PRUNE2: variants seen among roughly 807,000 people sequenced by gnomAD.
The protein encoded by PRUNE2 is prune homolog 2 with BCH domain, also known as protein prune homolog 2.
PRUNE2 carries 164 observed loss-of-function variants against 252.0 expected under a neutral mutation model. The ratio of observed to expected loss-of-function variants is 0.65; its 90% CI spans 0.57 to 0.74. The LOEUF (loss-of-function observed/expected upper bound fraction) is 0.74, where lower values mean the gene tolerates loss of function less well. PRUNE2 is among the 30% of genes least tolerant of loss of function. The pLI is 0.00. For missense variants in PRUNE2, 3,495 were observed against 3,711.0 expected (o/e 0.94, Z 1.51); for synonymous variants, 1,292 against 1,350.2 (o/e 0.96, Z 0.94).
intron 9 of PRUNE2, among the ~76,000 whole-genome samples, chr9:76,676,077 C>CAAA (rs1554684811): frequency 5.5e-4 from 81 of 148,092 alleles, no homozygotes; most frequent in Non-Finnish European, 8.3e-4. Context: ...AAAAAAAAAC[C>CAAA]AAAAACAAAA....
chr9:76,830,489 T>C (rs894882618), intron 4 of PRUNE2, among the ~76,000 whole-genome samples: 1 of 151,714 alleles, frequency 6.6e-6, no homozygotes, highest in African/African-American at 2.4e-5. Context: ...CCATCTCTAC[T>C]AAAAATATAA....
chr9:76,629,524 T>G (rs906010195), intron 15 of PRUNE2, among the ~76,000 whole-genome samples: 1 of 152,228 alleles, frequency 6.6e-6, no homozygotes, highest in African/African-American at 2.4e-5. Flanking sequence ...TAAAAAAGTA[T>G]AACATGATGT....
intron 6 of PRUNE2, among the ~76,000 whole-genome samples, chr9:76,714,875 C>T (rs898055167): frequency 1.5e-4 from 23 of 152,296 alleles, no homozygotes; most frequent in African/African-American, 5.5e-4. Context: ...TCAACCTGTG[C>T]TCCATCATCC....
rs757219118 is a variant in PRUNE2, at chr9:76,704,876, G to A, written c.7398C>T (p.Ser2466=). Residue 2466 remains serine (S), a synonymous_variant, in exon 8 of 19, where the codon TCC becomes TCT. Transcript: ENST00000376718. ...AVLHIREDPE[S]VYLPVGAGSN... Reference sequence around the variant, plus strand: ...AGCCTGCTCCTACCGGCAAATAAACGGACTCAGGGTCTTCACGAATATGCA... The same window carrying A: ...AGCCTGCTCCTACCGGCAAATAAACAGACTCAGGGTCTTCACGAATATGCA... 1.1e-5 allele frequency: 17 copies of A among 1,607,230 alleles called. No individual in the cohort carries two copies. Among genetic ancestry groups the A allele is most frequent in the Non-Finnish European group, 1.4e-5 (16 of 1,176,520 alleles).
intron 2 of PRUNE2, 85 bp from the exon 3 acceptor site, chr9:76,850,750 G>C (rs2059914144): frequency 9.6e-7 from 1 of 1,037,754 alleles, no homozygotes; most frequent in Non-Finnish European, 1.5e-6. Flanking sequence ...GGGGTAACTG[G>C]TAAAAGGAAT....
chr9:76,634,197 T>G (rs996846398), intron 15 of PRUNE2, among the ~76,000 whole-genome samples: 1 of 152,186 alleles, frequency 6.6e-6, no homozygotes, highest in Admixed American at 6.5e-5. Flanking sequence ...CTCAATAAAT[T>G]AAGCCATTAT....
chr9:76,885,637 C>G (rs898164910), intron 1 of PRUNE2, among the ~76,000 whole-genome samples: 1 of 152,178 alleles, frequency 6.6e-6, no homozygotes, highest in African/African-American at 2.4e-5. Flanking sequence ...CGGTGACAGG[C>G]TGACTGTGTC....
At chr9:76,901,776 T>C (rs2063189518) in intron 1 of PRUNE2, among the ~76,000 whole-genome samples, 2 of 152,234 alleles carry the variant, frequency 1.3e-5, no homozygotes, top group Non-Finnish European at 2.9e-5. Context: ...ACATATCAAC[T>C]AATACCTACT....
intron 4 of PRUNE2, among the ~76,000 whole-genome samples, chr9:76,840,416 A>G (rs2059317813): frequency 6.6e-6 from 1 of 152,206 alleles, no homozygotes; most frequent in Non-Finnish European, 1.5e-5. Context: ...AGCATGATGC[A>G]TTCTAGGATA....
chr9:76,693,377 G>T (rs561141061), intron 9 of PRUNE2, among the ~76,000 whole-genome samples: 34 of 150,650 alleles, frequency 2.3e-4, no homozygotes, highest in African/African-American at 8.3e-4. Flanking sequence ...AATGGAATGG[G>T]AAAGTGAATT....
chr9:76,714,954 C>G (rs1314319384), intron 6 of PRUNE2, among the ~76,000 whole-genome samples: 1 of 152,200 alleles, frequency 6.6e-6, no homozygotes, highest in African/African-American at 2.4e-5. Flanking sequence ...CATAATTCAT[C>G]AACTGACAGT....
chr9:76,769,477 C>T (rs2052835612), intron 6 of PRUNE2, among the ~76,000 whole-genome samples: 2 of 143,526 alleles, frequency 1.4e-5, no homozygotes, highest in Non-Finnish European at 3.0e-5. Context: ...GGCTGGAGTG[C>T]AATGGCACAA....
chr9:76,868,837 T>TGGGGGGGGGGGGG (rs111357062), intron 1 of PRUNE2: 15 of 77,090 alleles, frequency 1.9e-4, no homozygotes, highest in Non-Finnish European at 2.8e-4. Context: ...CCTTGGGGGG[T>TGGGGGGGGGGGGG]GGGGGGGGGG....
chr9:76,715,395 C>T (rs1321917084), intron 6 of PRUNE2, among the ~76,000 whole-genome samples: 1 of 152,208 alleles, frequency 6.6e-6, no homozygotes, highest in Non-Finnish European at 1.5e-5. Flanking sequence ...CCATCACGGG[C>T]TTCCATGTTT....
intron 4 of PRUNE2, among the ~76,000 whole-genome samples, chr9:76,843,133 T>C (rs977095063): frequency 2.6e-5 from 4 of 152,124 alleles, no homozygotes; most frequent in Non-Finnish European, 5.9e-5. Flanking sequence ...TGGAATACTA[T>C]GCAGCCAAAA....
rs377230627 is a variant in PRUNE2 at position 76,709,557 on chromosome 9, G to T, written c.2717C>A (p.Pro906His). ...PKEDQNGLVDPKTRGKVYEKV... is the reference protein window; with the variant it reads ...PKEDQNGLVDHKTRGKVYEKV... ...TTCATATACCTTGCCCCTAGTTTTA[G>T]GATCCACTAAACCATTCTGATCTTC... Residue 906 changes from proline to histidine, a missense_variant, in exon 8 of 19, where the codon CCT (proline) becomes CAT (histidine). Pro to His is a moderately conservative substitution (Grantham distance 77, BLOSUM62 -2). Transcript: ENST00000376718. 6.2e-7 allele frequency: 1 copy of T among 1,613,914 alleles called. No homozygotes were observed.
At chr9:76,793,525 C>A (rs1216303795) in intron 6 of PRUNE2, among the ~76,000 whole-genome samples, 1 of 152,024 alleles carries the variant, frequency 6.6e-6, no homozygotes, top group African/African-American at 2.4e-5. Flanking sequence ...ACTGAGAGAC[C>A]CTGCAGCTGG....
At chr9:76,858,772 A>G (rs1333933773) in intron 1 of PRUNE2, among the ~76,000 whole-genome samples, 6 of 149,212 alleles carry the variant, frequency 4.0e-5, no homozygotes, top group African/African-American at 1.5e-4. Flanking sequence ...AAAAAAAAAA[A>G]GAAAGAAAAA....
At chr9:76,735,601 T>C (rs950373539) in intron 6 of PRUNE2, among the ~76,000 whole-genome samples, 2 of 152,090 alleles carry the variant, frequency 1.3e-5, no homozygotes, top group African/African-American at 4.8e-5. Flanking sequence ...GGATCACTCA[T>C]TAGGCTGCAC....
Sources: allele counts gnomAD v4.1 joint callset (sites outside exome capture counted in the v4.1 genomes callset), GRCh38; gene constraint gnomAD v4.1.1; transcripts MANE v1.5; gene names NCBI Gene and HGNC (gene_info 2026-07-23, HGNC 2026-07-21).